The following EML6 variants were observed in gnomAD, a reference collection of about 807,000 sequenced individuals.
EML6 encodes echinoderm microtubule-associated protein-like 6.
Under a neutral mutation model 240.1 loss-of-function variants are expected in EML6, and 154 were observed. The ratio of observed to expected loss-of-function variants is 0.64; its 90% confidence interval spans 0.56 to 0.73. The LOEUF is 0.73. Ranked by LOEUF, EML6 falls within the 30% of genes least tolerant of loss-of-function variation. EML6 has a pLI of 0.00. For missense variants in EML6, 2,964 were observed against 2,474.6 expected (o/e 1.20, Z -4.20); for synonymous variants, 1,148 against 899.0 (o/e 1.28, Z -4.95).
chr2:54,870,150 A>G (rs1348194017), intron 15 of EML6, among the ~76,000 whole-genome samples: 2 of 152,202 alleles, frequency 1.3e-5, no homozygotes, highest in African/African-American at 2.4e-5. Context: ...TATAATGTCA[A>G]AGGTTAACAT....
Position 54,776,111 on chromosome 2 carries a change from C to T in EML6, c.198-37121C>T, listed in dbSNP as rs1380314065. On this transcript the variant is annotated intron_variant, in intron 2 of 41. Coordinates refer to ENST00000356458, the MANE Select transcript of EML6 (RefSeq NM_001039753.4). ...TTATACCAGCCTCACAGGGGTTCAACCTGCCTTATTTTGTTGTTGTTGTTG... is the reference window on the plus strand; with the variant it reads ...TTATACCAGCCTCACAGGGGTTCAATCTGCCTTATTTTGTTGTTGTTGTTG... Among the ~76,000 whole-genome samples, 4 of 152,174 alleles carry T rather than the reference C, an allele frequency of 2.6e-5. No homozygotes were observed. In the East Asian group the frequency reaches 7.7e-4, roughly 29 times the overall value.
intron 40 of EML6, 78 bp downstream of exon 40, chr2:54,968,359 GC>G (rs1213107636): frequency 5.2e-6 from 7 of 1,356,724 alleles, no homozygotes; most frequent in African/African-American, 4.3e-5. Flanking sequence ...CGTCTAGATG[GC>G]CCTCTGGGAG....
chr2:54,724,612 G>C lies in EML6; in HGVS notation c.-450G>C, dbSNP rs558780272. 1 of 152,554 alleles carries C rather than the reference G, an allele frequency of 6.6e-6. No individual in the cohort carries two copies. The highest frequency in any genetic ancestry group is 6.5e-5 in the Admixed American group (1 of 15,312). 9.5% of individuals were successfully genotyped at this position (152,554 alleles called of 1,614,324 possible). A position where few individuals can be genotyped will look rare whatever the true frequency, so the allele number is the denominator to read the frequency against. On this transcript the variant is annotated 5_prime_UTR_variant, in exon 2 of 42. Transcript: ENST00000356458. The surrounding 1 kb of genome is among the most constrained non-coding windows in gnomAD (Gnocchi z 5.2). ...TCACCCGGGTTGCCTGTCAAATCAA[G>C]GCTATCGCAGAATAAATCCCGCCGC...
intron 12 of EML6, among the ~76,000 whole-genome samples, chr2:54,860,549 A>T (rs2103834671): frequency 6.6e-6 from 1 of 152,304 alleles, no homozygotes; most frequent in East Asian, 1.9e-4. Flanking sequence ...GCCTCCTCCC[A>T]TGACTCATCC....
intron 2 of EML6, among the ~76,000 whole-genome samples, chr2:54,745,780 C>G (rs1352499374): frequency 1.3e-5 from 2 of 151,840 alleles, no homozygotes; most frequent in Admixed American, 1.3e-4. Flanking sequence ...GACCCTATCT[C>G]AAAAATAAAA....
intron 28 of EML6, among the ~76,000 whole-genome samples, chr2:54,929,617 C>T (rs1674745741): frequency 1.3e-5 from 2 of 152,184 alleles, no homozygotes; most frequent in South Asian, 2.1e-4. Context: ...TTTAGTATGG[C>T]TTTCTGCCTA....
intron 38 of EML6, among the ~76,000 whole-genome samples, chr2:54,966,088 C>A (rs577625101): frequency 3.3e-5 from 5 of 152,366 alleles, no homozygotes; most frequent in Admixed American, 6.5e-5. Context: ...TCAGTCCCTG[C>A]TTCCTGGAGC....
At chr2:54,871,927 C>G (rs1671279606) in intron 16 of EML6, among the ~76,000 whole-genome samples, 1 of 152,196 alleles carries the variant, frequency 6.6e-6, no homozygotes, top group Admixed American at 6.5e-5. Flanking sequence ...AAATCCAGAG[C>G]AGCTGTTGCT....
At chr2:54,958,370 T>G (rs1558726443) in intron 33 of EML6, among the ~76,000 whole-genome samples, 1 of 152,062 alleles carries the variant, frequency 6.6e-6, no homozygotes, top group Non-Finnish European at 1.5e-5. Flanking sequence ...TTTTGTATTT[T>G]TAGTAGAAAC....
intron 5 of EML6, among the ~76,000 whole-genome samples, chr2:54,822,283 G>A (rs779693519): frequency 2.5e-4 from 38 of 152,298 alleles, no homozygotes; most frequent in Non-Finnish European, 4.9e-4. Flanking sequence ...AACCTTGCTG[G>A]TAGAGAGGGG....
chr2:54,945,467 A>C (rs992688183), intron 28 of EML6, among the ~76,000 whole-genome samples: 2 of 151,996 alleles, frequency 1.3e-5, no homozygotes, highest in Admixed American at 1.3e-4. Context: ...GGCTAGTTGG[A>C]ACTGAGTTTC....
intron 5 of EML6, 96 bp downstream of exon 5, chr2:54,820,558 CA>C: frequency 1.4e-6 from 1 of 733,314 alleles, no homozygotes; most frequent in Non-Finnish European, 2.2e-6. Context: ...CTAGACTTTA[CA>C]TTTTTTTTCT....
In EML6 at chr2:54,959,266, G is replaced by T. The variant is rs1406619514; in HGVS notation, c.4853+5G>T. Reference sequence around the variant, plus strand: ...GACCGGCGGAAAAGAGAGGCCGTAAGCCAAAGCTCCTATGGAAACAACTTG... The same window carrying T: ...GACCGGCGGAAAAGAGAGGCCGTAATCCAAAGCTCCTATGGAAACAACTTG... On this transcript the variant is annotated splice_donor_5th_base_variant and intron_variant, in intron 34 of 41. Coordinates refer to ENST00000356458, the MANE Select transcript of EML6 (RefSeq NM_001039753.4). The T allele has an allele frequency of 6.6e-7, 1 of 1,523,162 alleles. No homozygotes were observed. Among genetic ancestry groups the T allele is most frequent in the Non-Finnish European group, 8.8e-7 (1 of 1,133,280 alleles). 94.4% of individuals were successfully genotyped at this position (1,523,162 alleles called of 1,614,324 possible).
At chr2:54,905,379 A>AC (rs1558670764) in intron 24 of EML6, among the ~76,000 whole-genome samples, 1 of 130,598 alleles carries the variant, frequency 7.7e-6, no homozygotes, top group African/African-American at 3.2e-5. Flanking sequence ...CACACACACA[A>AC]AATACCTGAT....
chr2:54,940,709 C>G (rs908431559), intron 28 of EML6, among the ~76,000 whole-genome samples: 2 of 152,246 alleles, frequency 1.3e-5, no homozygotes, highest in Non-Finnish European at 2.9e-5. Flanking sequence ...TCATTAGCAA[C>G]TATGGATGGT....
At chr2:54,923,403 A>G (rs994796398) in intron 26 of EML6, among the ~76,000 whole-genome samples, 2 of 143,168 alleles carry the variant, frequency 1.4e-5, no homozygotes, top group African/African-American at 5.2e-5. Flanking sequence ...ACACACACAC[A>G]CAATGGTAAC....
rs1358994619 is a variant in EML6 at position 54,952,632 on chromosome 2, C to G, written c.4252C>G (p.Leu1418Val). The G allele has an allele frequency of 6.4e-7, 1 of 1,551,396 alleles. No homozygotes were observed. ...SFYLEHTDDI[L>V]CLTVNQHPKY... ...CTATCTGGAGCACACAGATGACATC[C>G]TCTGTCTCACAGTGAACCAGCACCC... Residue 1418 changes from leucine to valine, a missense_variant, in exon 31 of 42, where the codon CTC (leucine) becomes GTC (valine). Coordinates refer to ENST00000356458, the MANE Select transcript of EML6 (RefSeq NM_001039753.4).
At chr2:54,908,551 C>T (rs1304639925) in intron 24 of EML6, among the ~76,000 whole-genome samples, 1 of 152,178 alleles carries the variant, frequency 6.6e-6, no homozygotes, top group Non-Finnish European at 1.5e-5. Context: ...TAGCAATGAA[C>T]TAGAAAACGC....
intron 17 of EML6, among the ~76,000 whole-genome samples, chr2:54,886,248 C>G (rs977980233): frequency 1.3e-5 from 2 of 148,776 alleles, no homozygotes; most frequent in African/African-American, 2.5e-5. Flanking sequence ...CCACTGCAAC[C>G]TCTGCCTCCT....
Sources: gnomAD v4.1 joint callset for allele counts (sites outside exome capture counted in the v4.1 genomes callset) on GRCh38, gnomAD v4.1.1 for gene constraint, Gnocchi (gnomAD v3.1) non-coding constraint, MANE v1.5 for transcripts, NCBI Gene and HGNC (gene_info 2026-07-23, HGNC 2026-07-21) for gene names.